The following SP140 variants were observed in gnomAD, a reference collection of about 807,000 sequenced individuals.
The protein encoded by SP140 is nuclear body protein SP140.
In SP140, 81 loss-of-function variants were observed where a neutral mutation model predicts 125.0. The ratio of observed to expected loss-of-function variants is 0.65; its 90% confidence interval spans 0.54 to 0.78. The LOEUF is 0.78. Among genes scored for constraint, SP140 ranks in the 30% least tolerant of loss-of-function variants. The pLI is 0.00. For missense variants in SP140, 858 were observed against 1,037.0 expected (o/e 0.83, Z 2.37); for synonymous variants, 312 against 354.0 (o/e 0.88, Z 1.33).
intron 3 of SP140, among the ~76,000 whole-genome samples, chr2:230,219,122 G>T (rs1469260501): frequency 1.3e-5 from 2 of 152,180 alleles, no homozygotes; most frequent in African/African-American, 4.8e-5. Flanking sequence ...TTACTCAGGA[G>T]GCTGAGGCAG....
chr2:230,224,982 G>A (rs942419977), upstream of SP140, among the ~76,000 whole-genome samples: 1 of 152,214 alleles, frequency 6.6e-6, no homozygotes, highest in Non-Finnish European at 1.5e-5. Context: ...TTTACAGAAT[G>A]AGGGCTGGGT....
At chr2:230,298,574 G>A (rs1427168190) in intron 22 of SP140, among the ~76,000 whole-genome samples, 4 of 152,186 alleles carry the variant, frequency 2.6e-5, no homozygotes, top group African/African-American at 7.2e-5. Flanking sequence ...CCAGATATGT[G>A]TGGGGAGAAG....
In SP140 at chr2:230,212,826, G is replaced by A. The variant is rs41552315; in HGVS notation, c.-322-828G>A. ...CAGGACAGGGTCAGATGGGCTGGGC[G>A]ACTCACTCAGGATCTCATCGCTTTG... On this transcript the variant is annotated intron_variant, in intron 1 of 4. Transcript: ENST00000456542. The A allele has an allele frequency of 2.2e-5, 36 of 1,614,060 alleles. No individual in the cohort carries two copies. Among genetic ancestry groups the A allele is most frequent in the African/African-American group, 1.7e-4 (13 of 74,982 alleles).
chr2:230,252,762 G>T (rs977575622), intron 10 of SP140, among the ~76,000 whole-genome samples: 10 of 152,158 alleles, frequency 6.6e-5, no homozygotes, highest in Non-Finnish European at 1.3e-4. Flanking sequence ...AGAAAAGGAA[G>T]AGTGGGCACC....
At chr2:230,288,490 T>TTTCTTTCTTTCTTTC (rs2056711779) in intron 18 of SP140, among the ~76,000 whole-genome samples, 2 of 117,196 alleles carry the variant, frequency 1.7e-5, no homozygotes, top group East Asian at 4.5e-4. Flanking sequence ...TCTTTCTTTC[T>TTTCTTTCTTTCTTTC]TTCTTTCTTT....
intron 3 of SP140, among the ~76,000 whole-genome samples, chr2:230,240,799 C>G (rs1229929990): frequency 1.3e-5 from 2 of 152,116 alleles, no homozygotes; most frequent in African/African-American, 4.8e-5. Context: ...CAGTTTCACT[C>G]CTAGGTATTT....
intron 1 of SP140, chr2:230,208,014 T>C (rs1279477032): frequency 6.4e-7 from 1 of 1,566,096 alleles, no homozygotes; most frequent in Non-Finnish European, 8.8e-7. Flanking sequence ...TTTTTTCTTA[T>C]GTCTCCTTTT....
upstream of SP140, chr2:230,221,840 G>A (rs118058239): frequency 9.9e-7 from 1 of 1,012,138 alleles, no homozygotes; most frequent in Non-Finnish European, 1.5e-6. Flanking sequence ...TAAAGCAGGA[G>A]TGGGAAAATA....
At chr2:230,241,595 A>G in intron 4 of SP140, 108 bp downstream of exon 4, 1 of 689,302 alleles carries the variant, frequency 1.5e-6, no homozygotes. Flanking sequence ...GTTATCTCCC[A>G]GTCCTCCTCC....
At chr2:230,238,683 T>A in intron 3 of SP140, 1 of 1,157,074 alleles carries the variant, frequency 8.6e-7, no homozygotes, top group South Asian at 1.3e-5. Flanking sequence ...ATGAGTGATG[T>A]CTTTTCATGG....
chr2:230,225,810 G>A lies in SP140; in HGVS notation c.-35G>A, dbSNP rs372560121. On this transcript the variant is annotated 5_prime_UTR_variant, in exon 1 of 27. Transcript: ENST00000392045. ...GAGCTGCAGGAAGGAACGGGGCAGT[G>A]AAAATCGAATCGGGTGTGATCCTAG... 1.9e-6 allele frequency: 3 copies of A among 1,598,364 alleles called. No homozygotes were observed. Among genetic ancestry groups the A allele is most frequent in the Admixed American group, 1.7e-5 (1 of 59,980 alleles).
At chr2:230,240,661 A>G (rs1472855706) in intron 3 of SP140, among the ~76,000 whole-genome samples, 1 of 152,240 alleles carries the variant, frequency 6.6e-6, no homozygotes, top group Non-Finnish European at 1.5e-5. Context: ...GACAATACCA[A>G]GTGCTGATGA....
intron 1 of SP140, among the ~76,000 whole-genome samples, chr2:230,204,432 G>A (rs75153687): frequency 0.017 from 2,532 of 152,200 alleles, 49 homozygotes; most frequent in African/African-American, 0.055. Flanking sequence ...GGGATAATAA[G>A]AATTTGGAGA....
intron 18 of SP140, among the ~76,000 whole-genome samples, chr2:230,289,972 A>G (rs1467679625): frequency 2.6e-5 from 4 of 152,204 alleles, no homozygotes; most frequent in Non-Finnish European, 5.9e-5. Flanking sequence ...AATGAACTAA[A>G]GGAGAGAACA....
At chr2:230,220,557 G>A (rs989402618) in intron 3 of SP140, among the ~76,000 whole-genome samples, 5 of 152,220 alleles carry the variant, frequency 3.3e-5, no homozygotes, top group Admixed American at 6.5e-5. Flanking sequence ...AAATGGCTGA[G>A]AGCTGGGCAG....
intron 22 of SP140, among the ~76,000 whole-genome samples, chr2:230,307,370 C>T (rs1420398951): frequency 6.6e-6 from 1 of 152,224 alleles, no homozygotes; most frequent in African/African-American, 2.4e-5. Flanking sequence ...ACAAACAGGG[C>T]TGAAACATGC....
the SP140 span, among the ~76,000 whole-genome samples, chr2:230,195,253 T>C: frequency 6.6e-6 from 1 of 152,186 alleles, no homozygotes; most frequent in Non-Finnish European, 1.5e-5. Context: ...AAAAAAGTAC[T>C]CCATTTTAGC....
At chr2:230,290,956 G>A (rs145797065) in intron 19 of SP140, among the ~76,000 whole-genome samples, 43 of 152,272 alleles carry the variant, frequency 2.8e-4, no homozygotes, top group African/African-American at 9.9e-4. Flanking sequence ...CAGAATTTGG[G>A]ATCAGAAAGC....
intron 22 of SP140, among the ~76,000 whole-genome samples, chr2:230,298,227 T>C (rs191659618): frequency 6.6e-6 from 1 of 152,316 alleles, no homozygotes; most frequent in Non-Finnish European, 1.5e-5. Context: ...GAGTCCCTTC[T>C]CTAAATGAAA....
Sources: allele counts gnomAD v4.1 joint callset (sites outside exome capture counted in the v4.1 genomes callset), GRCh38; gene constraint gnomAD v4.1.1; transcripts MANE v1.5; gene names NCBI Gene and HGNC (gene_info 2026-07-23, HGNC 2026-07-21).